Variants in MPHOSPH9 observed in about 807,000 individuals in gnomAD.
MPHOSPH9 encodes M-phase phosphoprotein 9.
A neutral mutation model predicts 145.5 loss-of-function variants in MPHOSPH9; 88 were observed. The ratio of observed to expected loss-of-function variants is 0.60; its 90% CI spans 0.51 to 0.72. The LOEUF (loss-of-function observed/expected upper bound fraction) is 0.72, where lower values mean the gene tolerates loss of function less well. Ranked by LOEUF, MPHOSPH9 falls within the 30% of genes least tolerant of loss-of-function variation. MPHOSPH9 has a pLI of 0.00. For synonymous variants in MPHOSPH9, 435 were observed against 486.2 expected, an observed-to-expected ratio of 0.89 and a Z score of 1.39; for missense variants, 1,238 against 1,386.6, an observed-to-expected ratio of 0.89 and a Z score of 1.70.
At chr12:123,195,378 A>C (rs996805249) in intron 12 of MPHOSPH9, among the ~76,000 whole-genome samples, 10 of 151,984 alleles carry the variant, frequency 6.6e-5, no homozygotes, top group African/African-American at 2.4e-4. Context: ...CGAGGTCAGG[A>C]GTTCAAGAGC....
chr12:123,174,243 C>T (rs1003012246), intron 16 of MPHOSPH9, among the ~76,000 whole-genome samples: 3 of 152,138 alleles, frequency 2.0e-5, no homozygotes, highest in African/African-American at 7.2e-5. Flanking sequence ...AGCGCTTTCT[C>T]GGGTTCCTTT....
At position 123,160,872 on chromosome 12, in the gene MPHOSPH9, T is replaced by C. The variant is rs371308337; in HGVS notation, c.3382-23A>G. ...AATCTGTTAACACACGAAAAAAATA[T>C]GTTTAAATTACTGGCAGGGAGGTTT... On this transcript the variant is annotated intron_variant, in intron 22 of 23. Transcript: ENST00000606320. 95 of 1,610,140 alleles carry C rather than the reference T, an allele frequency of 5.9e-5. No homozygotes were observed. The African/African-American group carries it at 8.1e-4, about 14-fold the overall frequency.
intron 23 of MPHOSPH9, among the ~76,000 whole-genome samples, chr12:123,157,527 CT>C (rs1437855812): frequency 5.3e-5 from 8 of 152,184 alleles, no homozygotes; most frequent in Admixed American, 3.9e-4. Flanking sequence ...TCACCCAAAG[CT>C]GAACTGCAAT....
At chr12:123,193,108 T>TACACACACACACAC (rs4044136) in intron 13 of MPHOSPH9, among the ~76,000 whole-genome samples, 4 of 94,894 alleles carry the variant, frequency 4.2e-5, no homozygotes, top group African/African-American at 1.7e-4. Context: ...TATATATATA[T>TACACACACACACAC]ACACACACAC....
intron 4 of MPHOSPH9, among the ~76,000 whole-genome samples, chr12:123,222,530 T>C (rs1197621480): frequency 6.6e-6 from 1 of 152,030 alleles, no homozygotes; most frequent in East Asian, 1.9e-4. Context: ...GGCACACACC[T>C]GTATTCCCAG....
At chr12:123,176,861 T>C (rs2044892106) in intron 15 of MPHOSPH9, 72 bp from the exon 16 acceptor site, 1 of 1,177,196 alleles carries the variant, frequency 8.5e-7, no homozygotes, top group South Asian at 1.3e-5. Flanking sequence ...CCACAGTTTA[T>C]TTAACAGACC....
chr12:123,239,682 G>A (rs1034258336), intron 1 of MPHOSPH9, among the ~76,000 whole-genome samples: 3 of 152,134 alleles, frequency 2.0e-5, no homozygotes, highest in African/African-American at 7.2e-5. Context: ...GATTACAGGC[G>A]TGAGCTACCG....
intron 23 of MPHOSPH9, 88 bp from the exon 24 acceptor site, chr12:123,156,996 AGC>A: frequency 1.1e-6 from 1 of 899,836 alleles, no homozygotes; most frequent in Non-Finnish European, 1.7e-6. Flanking sequence ...TTAGCAAAAG[AGC>A]AAGTATAAAC....
chr12:123,205,631 A>C (rs958602650), intron 8 of MPHOSPH9, among the ~76,000 whole-genome samples: 1 of 152,012 alleles, frequency 6.6e-6, no homozygotes, highest in Non-Finnish European at 1.5e-5. Flanking sequence ...CCTTTTCAAG[A>C]CCTGAAGCCT....
At chr12:123,216,876 C>G (rs111673787) in intron 6 of MPHOSPH9, among the ~76,000 whole-genome samples, 1 of 151,914 alleles carries the variant, frequency 6.6e-6, no homozygotes, top group Non-Finnish European at 1.5e-5. Flanking sequence ...ATAGTCCCAG[C>G]TAATCGAGAG....
rs979496147 is a variant in MPHOSPH9 at position 123,161,436 on chromosome 12, T to C, written c.3134-53A>G. On this transcript the variant is annotated intron_variant, in intron 21 of 23. Coordinates refer to ENST00000606320, the MANE Select transcript of MPHOSPH9 (RefSeq NM_022782.4). ...ATTTCTTATCAATTTTTCGTGTAGG[T>C]TGCATATATATTAAATATGTTGCCC... 11 of 1,586,598 alleles carry C rather than the reference T, an allele frequency of 6.9e-6. No homozygotes were observed. The African/African-American group carries it at 1.2e-4, about 18-fold the overall frequency.
rs1267199160 is a variant in MPHOSPH9 at position 123,227,627 on chromosome 12, A to G, written c.105-11T>C. ...AGGTGGGGACTACTTCTGTTGAAAC[A>G]TAAATAATTCAAATGGTTTTCTTCA... On this transcript the variant is annotated splice_polypyrimidine_tract_variant and intron_variant, in intron 2 of 23. Transcript: ENST00000606320. 1 of 1,495,248 alleles carries G rather than the reference A, an allele frequency of 6.7e-7. No individual in the cohort carries two copies. Among genetic ancestry groups the G allele is most frequent in the Admixed American group, 2.4e-5 (1 of 41,572 alleles). 92.6% of individuals were successfully genotyped at this position (1,495,248 alleles called of 1,614,324 possible).
At chr12:123,209,248 A>C (rs193241619) in intron 8 of MPHOSPH9, among the ~76,000 whole-genome samples, 19 of 152,198 alleles carry the variant, frequency 1.2e-4, no homozygotes, top group African/African-American at 4.6e-4. Context: ...TTCCACTTTT[A>C]AGAAGCATTG....
chr12:123,165,511 G>C (rs771204392), intron 17 of MPHOSPH9, 34 bp from the exon 18 acceptor site: 1 of 1,579,712 alleles, frequency 6.3e-7, no homozygotes, highest in Admixed American at 1.7e-5. Flanking sequence ...ACAGTGCTAT[G>C]GACTAAATGT....
At chr12:123,213,756 T>A (rs929141401) in intron 7 of MPHOSPH9, among the ~76,000 whole-genome samples, 3 of 152,194 alleles carry the variant, frequency 2.0e-5, no homozygotes, top group Non-Finnish European at 4.4e-5. Context: ...GCTAGGTTGT[T>A]AGGCACTGTG....
In MPHOSPH9 at chr12:123,163,078, G is replaced by T; in HGVS notation, c.2965C>A (p.Pro989Thr). 1 of 1,596,776 alleles carries T rather than the reference G, an allele frequency of 6.3e-7. No homozygotes were observed. The highest frequency in any genetic ancestry group is 2.3e-5 in the East Asian group (1 of 43,760). ...AATCCTGGGGACAAGTTTTCTTTAG[G>T]GGATCGCTTTGGACTATAAGCCACA... ...VTVAYSPKRS[P>T]KENLSPGFSH... is the part of the protein sequence containing the mutation. The change falls in exon 20 of 24, where the codon CCT becomes ACT. Residue 989 changes from proline (P) to threonine (T), a missense_variant. By Grantham distance (38) the Pro-to-Thr change is conservative (BLOSUM62 -1). Transcript: ENST00000606320.
At chr12:123,227,237 T>A (rs924945134) in intron 3 of MPHOSPH9, among the ~76,000 whole-genome samples, 1 of 152,190 alleles carries the variant, frequency 6.6e-6, no homozygotes, top group African/African-American at 2.4e-5. Context: ...ATATTTAATA[T>A]ACAAATTAGT....
intron 8 of MPHOSPH9, among the ~76,000 whole-genome samples, chr12:123,204,973 AC>A (rs2046365250): frequency 6.6e-6 from 1 of 152,314 alleles, no homozygotes; most frequent in East Asian, 1.9e-4. Context: ...GGCTCTAAAC[AC>A]TAAAACTTTG....
At chr12:123,210,225 T>G in intron 7 of MPHOSPH9, 63 bp from the exon 8 acceptor site, 2 of 880,634 alleles carry the variant, frequency 2.3e-6, no homozygotes, top group Non-Finnish European at 3.4e-6. Flanking sequence ...CTTTCTAGAA[T>G]AACATTTCTA....
Sources: allele counts gnomAD v4.1 joint callset (sites outside exome capture counted in the v4.1 genomes callset), GRCh38; gene constraint gnomAD v4.1.1; transcripts MANE v1.5; gene names NCBI Gene and HGNC (gene_info 2026-07-23, HGNC 2026-07-21).